XKR4: variants seen among roughly 807,000 people sequenced by gnomAD.
XKR4 encodes XK-related protein 4.
In XKR4, 12 loss-of-function variants were observed where a neutral mutation model predicts 53.9. The observed-to-expected ratio is 0.22, with a 90% CI of 0.14 to 0.36. The LOEUF (loss-of-function observed/expected upper bound fraction) is 0.36, where lower values mean the gene tolerates loss of function less well. Ranked by LOEUF, XKR4 falls within the 10% of genes least tolerant of loss-of-function variation. The pLI is 1.00. For synonymous variants in XKR4, 354 were observed against 362.4 expected (o/e 0.98, Z 0.26); for missense variants, 799 against 859.5 (o/e 0.93, Z 0.88).
intron 1 of XKR4, among the ~76,000 whole-genome samples, chr8:55,323,706 A>G (rs1200460218): frequency 1.3e-5 from 2 of 152,202 alleles, no homozygotes; most frequent in Non-Finnish European, 2.9e-5. Context: ...TGTAAATACC[A>G]AGAAGTGGGA....
intron 1 of XKR4, among the ~76,000 whole-genome samples, chr8:55,157,152 G>A (rs142514014): frequency 1.3e-5 from 2 of 152,238 alleles, no homozygotes; most frequent in East Asian, 1.9e-4. Context: ...GGCAAATCAC[G>A]AACCTTTATG....
intron 1 of XKR4, among the ~76,000 whole-genome samples, chr8:55,314,218 T>A (rs1819426164): frequency 6.6e-6 from 1 of 152,182 alleles, no homozygotes; most frequent in Non-Finnish European, 1.5e-5. Flanking sequence ...GTGAGTCAAA[T>A]TATGAGCCAA....
intron 2 of XKR4, among the ~76,000 whole-genome samples, chr8:55,377,997 G>A (rs1343998341): frequency 6.6e-6 from 1 of 152,222 alleles, no homozygotes; most frequent in Non-Finnish European, 1.5e-5. Context: ...TGTTGCCATA[G>A]TACCAATCAG....
chr8:55,492,949 C>T (rs139727241), intron 2 of XKR4, among the ~76,000 whole-genome samples: 1 of 152,326 alleles, frequency 6.6e-6, no homozygotes, highest in Non-Finnish European at 1.5e-5. Flanking sequence ...CACAGCCTTA[C>T]AAAGCTGTGG....
chr8:55,128,469 G>A lies in XKR4; in HGVS notation c.806+25175G>A, dbSNP rs184418563. 8.0e-3 allele frequency among the ~76,000 whole-genome samples: 1,225 copies of A among 152,262 alleles called. 11 individuals carry two copies. Among genetic ancestry groups the A allele is most frequent in the Non-Finnish European group, 0.012 (839 of 68,016 alleles). On this transcript the variant is annotated intron_variant, in intron 1 of 2. Transcript: ENST00000327381. Reference sequence around the variant, plus strand: ...CTTGACTTGGCTTCAGCCAAGAATGGTCATTCATGTGTCTCTGGATGAAGA... The same window carrying A: ...CTTGACTTGGCTTCAGCCAAGAATGATCATTCATGTGTCTCTGGATGAAGA...
rs1399239510 is a variant in XKR4, at chr8:55,535,905, T to C, written c.*11678T>C. The C allele has an allele frequency of 1.3e-5, 2 of 152,242 alleles. No individual in the cohort carries two copies. Among genetic ancestry groups the C allele is most frequent in the Non-Finnish European group, 2.9e-5 (2 of 68,050 alleles). 9.4% of individuals were successfully genotyped at this position (152,242 alleles called of 1,614,324 possible). ...AGTTCTCCTTGACCACTGGTCCCTATGGGCTCTGCAGGAGAGCTTCTCGTG... is the reference window on the plus strand; with the variant it reads ...AGTTCTCCTTGACCACTGGTCCCTACGGGCTCTGCAGGAGAGCTTCTCGTG... On this transcript the variant is annotated 3_prime_UTR_variant, in exon 3 of 3. Transcript: ENST00000327381.
chr8:55,281,925 G>A (rs568966227), intron 1 of XKR4, among the ~76,000 whole-genome samples: 1 of 152,304 alleles, frequency 6.6e-6, no homozygotes, highest in Non-Finnish European at 1.5e-5. Flanking sequence ...AATTGGCAAA[G>A]TAACTGTAGG....
At chr8:55,245,376 T>C (rs1314921436) in intron 1 of XKR4, among the ~76,000 whole-genome samples, 1 of 152,074 alleles carries the variant, frequency 6.6e-6, no homozygotes, top group Non-Finnish European at 1.5e-5. Context: ...CATATTCTTT[T>C]TGTAGCGGGG....
Position 55,527,968 on chromosome 8 carries a change from A to C in XKR4, c.*3741A>C, listed in dbSNP as rs931532678. 2.0e-5 allele frequency: 3 copies of C among 152,142 alleles called. No homozygotes were observed. The East Asian group carries it at 5.8e-4, about 29-fold the overall frequency. The allele number at this position is 152,142 out of a possible 1,614,324, so 9.4% of individuals were successfully genotyped here. A position where few individuals can be genotyped will look rare whatever the true frequency, so the allele number is the denominator to read the frequency against. On this transcript the variant is annotated 3_prime_UTR_variant, in exon 3 of 3. Transcript: ENST00000327381. ...CTTTTAAGTGTGTTTGTGTACATAC[A>C]TATATGTATATATACGTACCTATAT...
rs117842825 is a variant in XKR4, at chr8:55,441,571, C to T, written c.1007-81710C>T. ...TAATACATGTTATTCTAGAGTAATG[C>T]ATGGATCATTTATGACAACAGACCA... On this transcript the variant is annotated intron_variant, in intron 2 of 2. Coordinates refer to ENST00000327381, the MANE Select transcript of XKR4 (RefSeq NM_052898.2). Among the ~76,000 whole-genome samples the T allele has an allele frequency of 2.3e-3, 344 of 152,254 alleles. 1 individual carries two copies. Among genetic ancestry groups the T allele is most frequent in the Middle Eastern group, 3.4e-3 (1 of 292 alleles).
At chr8:55,193,127 G>A (rs1211854969) in intron 1 of XKR4, among the ~76,000 whole-genome samples, 1 of 150,858 alleles carries the variant, frequency 6.6e-6, no homozygotes, top group African/African-American at 2.4e-5. Context: ...ATCGGACTGG[G>A]TTAGAACTGC....
chr8:55,217,837 A>G (rs983637258), intron 1 of XKR4, among the ~76,000 whole-genome samples: 1 of 152,254 alleles, frequency 6.6e-6, no homozygotes, highest in Non-Finnish European at 1.5e-5. Flanking sequence ...TGGCAATAAA[A>G]TCATAAATAT....
chr8:55,454,012 GCA>G, intron 2 of XKR4: 1 of 877,948 alleles, frequency 1.1e-6, no homozygotes. Flanking sequence ...CCGGGTGAAT[GCA>G]CACGACGTGC....
intron 2 of XKR4, among the ~76,000 whole-genome samples, chr8:55,396,850 C>A (rs1227849163): frequency 6.6e-6 from 1 of 152,132 alleles, no homozygotes; most frequent in African/African-American, 2.4e-5. Flanking sequence ...TTTGGATTTT[C>A]CAACTATTGT....
intron 1 of XKR4, among the ~76,000 whole-genome samples, chr8:55,138,972 T>G (rs1335638551): frequency 1.3e-5 from 2 of 152,210 alleles, no homozygotes; most frequent in Non-Finnish European, 2.9e-5. Flanking sequence ...CACCCTTAAG[T>G]AAGAAATGAC....
intron 2 of XKR4, among the ~76,000 whole-genome samples, chr8:55,497,641 T>A (rs1806371045): frequency 6.6e-6 from 1 of 152,178 alleles, no homozygotes; most frequent in Non-Finnish European, 1.5e-5. Context: ...CACCCCACAT[T>A]CAATCCAAAT....
intron 2 of XKR4, among the ~76,000 whole-genome samples, chr8:55,431,256 C>T (rs1429508588): frequency 6.6e-6 from 1 of 152,142 alleles, no homozygotes; most frequent in East Asian, 1.9e-4. Flanking sequence ...ATCTAAGTGC[C>T]TCTGTTTGCT....
chr8:55,451,769 G>GA (rs766093362), intron 2 of XKR4: 18 of 1,080,364 alleles, frequency 1.7e-5, no homozygotes, highest in East Asian at 2.4e-5. Flanking sequence ...CGGCTGCTCA[G>GA]GGGGCCCAGG....
intron 1 of XKR4, among the ~76,000 whole-genome samples, chr8:55,194,452 G>C (rs1432014570): frequency 1.3e-5 from 2 of 152,136 alleles, no homozygotes; most frequent in Non-Finnish European, 2.9e-5. Flanking sequence ...TACCACGATT[G>C]CAGGACATTA....
Sources: gnomAD v4.1 joint callset for allele counts (sites outside exome capture counted in the v4.1 genomes callset) on GRCh38, gnomAD v4.1.1 for gene constraint, MANE v1.5 for transcripts, NCBI Gene and HGNC (gene_info 2026-07-23, HGNC 2026-07-21) for gene names.